Variants in TTC28 observed in about 807,000 individuals in gnomAD.
The protein encoded by TTC28 is tetratricopeptide repeat domain 28.
A neutral mutation model predicts 198.0 loss-of-function variants in TTC28; 61 were observed. That is an observed-to-expected ratio of 0.31 (90% CI 0.25 to 0.38). The LOEUF is 0.38. TTC28 is among the 10% of genes least tolerant of loss of function. The probability of loss-of-function intolerance (pLI) is 1.00; values close to 1 mark genes in which losing one functional copy is unlikely to be tolerated. For synonymous variants in TTC28, 1,171 were observed against 1,297.8 expected (o/e 0.90, Z 2.10); for missense variants, 2,678 against 3,164.0 (o/e 0.85, Z 3.69).
intron 12 of TTC28, among the ~76,000 whole-genome samples, chr22:28,073,732 T>C (rs1941071303): frequency 6.6e-6 from 1 of 152,210 alleles, no homozygotes; most frequent in East Asian, 1.9e-4. Flanking sequence ...GAAATGTGAA[T>C]GGTCAAGAGG....
At chr22:28,517,016 T>C (rs933677407) in intron 2 of TTC28, among the ~76,000 whole-genome samples, 2 of 152,202 alleles carry the variant, frequency 1.3e-5, no homozygotes, top group South Asian at 2.1e-4. Context: ...TTGAGGAACT[T>C]AGACTCAGAG....
chr22:28,484,258 C>T (rs978503397), intron 2 of TTC28, among the ~76,000 whole-genome samples: 11 of 152,106 alleles, frequency 7.2e-5, no homozygotes, highest in African/African-American at 2.7e-4. Flanking sequence ...CAGGCACATG[C>T]TACCATGCCA....
At chr22:28,343,921 T>C (rs2045870109) in intron 2 of TTC28, among the ~76,000 whole-genome samples, 1 of 152,198 alleles carries the variant, frequency 6.6e-6, no homozygotes, top group African/African-American at 2.4e-5. Context: ...ATTCTTTATT[T>C]CAACATCAAA....
At chr22:28,485,834 A>G (rs927833679) in intron 2 of TTC28, among the ~76,000 whole-genome samples, 4 of 152,168 alleles carry the variant, frequency 2.6e-5, no homozygotes, top group Non-Finnish European at 4.4e-5. Flanking sequence ...ATTTCTGGTT[A>G]TAATTGTTAA....
At chr22:28,258,632 C>T (rs1212578829) in intron 5 of TTC28, among the ~76,000 whole-genome samples, 1 of 151,920 alleles carries the variant, frequency 6.6e-6, no homozygotes, top group Non-Finnish European at 1.5e-5. Flanking sequence ...ATAAACGGGA[C>T]AGCAACCCCA....
intron 5 of TTC28, among the ~76,000 whole-genome samples, chr22:28,204,187 G>A (rs962794977): frequency 5.9e-5 from 9 of 152,190 alleles, no homozygotes; most frequent in South Asian, 2.1e-4. Flanking sequence ...GGATTAAACC[G>A]CAAGCTTCCC....
chr22:28,196,269 C>T (rs1925326616), intron 5 of TTC28, among the ~76,000 whole-genome samples: 1 of 152,010 alleles, frequency 6.6e-6, no homozygotes, highest in African/African-American at 2.4e-5. Flanking sequence ...TTCCTTATAC[C>T]TTATACAAAA....
intron 6 of TTC28, among the ~76,000 whole-genome samples, chr22:28,140,194 A>C (rs1209997786): frequency 6.6e-6 from 1 of 152,192 alleles, no homozygotes; most frequent in Non-Finnish European, 1.5e-5. Flanking sequence ...AGAGTATCAC[A>C]GTGATGACTG....
At chr22:28,062,522 T>C (rs547302230) in intron 12 of TTC28, among the ~76,000 whole-genome samples, 1 of 151,652 alleles carries the variant, frequency 6.6e-6, no homozygotes, top group African/African-American at 2.4e-5. Context: ...TAGGCCATAG[T>C]ACAGTGATGC....
chr22:28,133,568 G>A (rs906519237), intron 6 of TTC28, among the ~76,000 whole-genome samples: 10 of 152,288 alleles, frequency 6.6e-5, no homozygotes, highest in African/African-American at 1.2e-4. Flanking sequence ...ATTATAACCC[G>A]CGCATGGCTC....
At chr22:28,010,477 C>A (rs1344526873) in intron 14 of TTC28, among the ~76,000 whole-genome samples, 1 of 152,178 alleles carries the variant, frequency 6.6e-6, no homozygotes, top group East Asian at 1.9e-4. Context: ...TGGGGAAGCA[C>A]TGGGATGGGT....
intron 2 of TTC28, among the ~76,000 whole-genome samples, chr22:28,473,736 C>G (rs2048127696): frequency 6.6e-6 from 1 of 152,214 alleles, no homozygotes; most frequent in East Asian, 1.9e-4. Flanking sequence ...CCCTCCTGGG[C>G]TAAGCCCCAC....
chr22:28,514,404 T>G (rs906944391), intron 2 of TTC28, among the ~76,000 whole-genome samples: 1 of 152,220 alleles, frequency 6.6e-6, no homozygotes, highest in Non-Finnish European at 1.5e-5. Flanking sequence ...CCATGCACAC[T>G]AAAATATTCT....
chr22:28,352,870 T>C (rs2046020563), intron 2 of TTC28, among the ~76,000 whole-genome samples: 1 of 151,810 alleles, frequency 6.6e-6, no homozygotes, highest in South Asian at 2.1e-4. Context: ...GTTTAAAATG[T>C]TGAAGGAGAT....
In TTC28 at chr22:28,005,917, C is replaced by T. The variant is rs181762104; in HGVS notation, c.4219-4364G>A. Among the ~76,000 whole-genome samples, 156 of 152,360 alleles carry T rather than the reference C, an allele frequency of 1.0e-3. No individual in the cohort carries two copies. The highest frequency in any genetic ancestry group is 3.6e-3 in the African/African-American group (150 of 41,584). ...ACACTCCCTCAGCCCTAGAGAACCACACAGCTTCCCTATATCTTACAGTTA... is the reference window on the plus strand; with the variant it reads ...ACACTCCCTCAGCCCTAGAGAACCATACAGCTTCCCTATATCTTACAGTTA... On this transcript the variant is annotated intron_variant, in intron 14 of 22. Transcript: ENST00000397906. This position sits in a 1 kb window ranked among gnomAD's most constrained non-coding sequence, Gnocchi z 4.9.
intron 2 of TTC28, among the ~76,000 whole-genome samples, chr22:28,446,739 C>G (rs2047708973): frequency 6.6e-6 from 1 of 152,012 alleles, no homozygotes. Flanking sequence ...TATAAATTAC[C>G]CAGTCTCAGG....
At chr22:28,428,602 G>A (rs2047384233) in intron 2 of TTC28, among the ~76,000 whole-genome samples, 1 of 124,172 alleles carries the variant, frequency 8.1e-6, no homozygotes, top group Admixed American at 7.7e-5. Context: ...AACATTTCAT[G>A]AATTATTATT....
intron 12 of TTC28, among the ~76,000 whole-genome samples, chr22:28,071,092 G>T (rs1006432155): frequency 3.3e-5 from 5 of 152,070 alleles, no homozygotes; most frequent in Middle Eastern, 3.4e-3. Flanking sequence ...ATCCAAGGGT[G>T]GGAAAGGTAG....
At chr22:28,254,285 T>C (rs1051517435) in intron 5 of TTC28, among the ~76,000 whole-genome samples, 2 of 152,062 alleles carry the variant, frequency 1.3e-5, no homozygotes, top group Non-Finnish European at 2.9e-5. Context: ...CATGAAAATA[T>C]ATGGGATCAT....
Sources: gnomAD v4.1 joint callset for allele counts (sites outside exome capture counted in the v4.1 genomes callset) on GRCh38, gnomAD v4.1.1 for gene constraint, Gnocchi (gnomAD v3.1) non-coding constraint, MANE v1.5 for transcripts, NCBI Gene and HGNC (gene_info 2026-07-23, HGNC 2026-07-21) for gene names.